The following CSMD1 variants were observed in gnomAD, a reference collection of about 807,000 sequenced individuals.
CSMD1 encodes CUB and sushi domain-containing protein 1.
In CSMD1, 213 loss-of-function variants were observed where a neutral mutation model predicts 417.5. The ratio of observed to expected loss-of-function variants is 0.51; its 90% CI spans 0.46 to 0.57. CSMD1 has a LOEUF of 0.57. Ranked by LOEUF, CSMD1 falls within the 20% of genes least tolerant of loss-of-function variation. CSMD1 has a pLI of 0.00. For synonymous variants in CSMD1, 2,862 were observed against 1,736.8 expected (o/e 1.65, Z -16.11); for missense variants, 6,923 against 4,529.7 (o/e 1.53, Z -15.17).
intron 5 of CSMD1, among the ~76,000 whole-genome samples, chr8:3,900,939 A>C (rs895971258): frequency 3.9e-5 from 6 of 152,234 alleles, no homozygotes; most frequent in African/African-American, 1.4e-4. Flanking sequence ...TATTAAATAC[A>C]AGAAGGTCTA....
At chr8:4,593,336 A>G (rs1800085119) in intron 2 of CSMD1, among the ~76,000 whole-genome samples, 2 of 152,200 alleles carry the variant, frequency 1.3e-5, no homozygotes, top group Admixed American at 6.5e-5. Flanking sequence ...CTTCTGCAGC[A>G]TGGCTAAATC....
At chr8:4,678,504 G>C (rs770271317) in intron 1 of CSMD1, among the ~76,000 whole-genome samples, 2 of 152,114 alleles carry the variant, frequency 1.3e-5, no homozygotes, top group African/African-American at 2.4e-5. Flanking sequence ...GATAGTTCTT[G>C]AGTTACTGTA....
rs571063071 is a variant in CSMD1, at chr8:3,049,479, C to A, written c.7660+2983G>T. Among the ~76,000 whole-genome samples the A allele has an allele frequency of 2.5e-3, 388 of 152,196 alleles. 1 individual carries two copies. The highest frequency in any genetic ancestry group is 8.9e-3 in the African/African-American group (370 of 41,548). The stretch of plus-strand genomic sequence containing the variant: ...TTATTACTAAGTGAAAGAAGCCAAT[C>A]TGAAAGGCTAGGTGCCAGATGATTC... On this transcript the variant is annotated intron_variant, in intron 50 of 69. Coordinates refer to ENST00000635120, the MANE Select transcript of CSMD1 (RefSeq NM_033225.6).
chr8:3,531,930 G>A (rs966114934), intron 10 of CSMD1, among the ~76,000 whole-genome samples: 1 of 152,190 alleles, frequency 6.6e-6, no homozygotes, highest in Non-Finnish European at 1.5e-5. Context: ...GCAACATGCA[G>A]TAGCTTAGGC....
Position 4,692,478 on chromosome 8 carries a change from G to T in CSMD1, c.86-54920C>A, listed in dbSNP as rs541108499. ...CCTGGCTATGGTCGACCACATGGGA[G>T]TTGAAGGGGTTGATAAAAAGAAAAT... On this transcript the variant is annotated intron_variant, in intron 1 of 69. Coordinates refer to ENST00000635120, the MANE Select transcript of CSMD1 (RefSeq NM_033225.6). Among the ~76,000 whole-genome samples, 269 of 152,234 alleles carry T rather than the reference G, an allele frequency of 1.8e-3. 2 individuals carry two copies. Among genetic ancestry groups the T allele is most frequent in the Non-Finnish European group, 2.4e-3 (164 of 68,030 alleles).
intron 2 of CSMD1, among the ~76,000 whole-genome samples, chr8:4,460,054 A>G (rs1333615669): frequency 6.6e-6 from 1 of 152,138 alleles, no homozygotes; most frequent in Non-Finnish European, 1.5e-5. Context: ...CCAGCCAATA[A>G]CAGAATATTG....
chr8:4,975,251 T>G (rs748882342), intron 1 of CSMD1, among the ~76,000 whole-genome samples: 1 of 152,202 alleles, frequency 6.6e-6, no homozygotes, highest in Non-Finnish European at 1.5e-5. Context: ...CAAGGATAAT[T>G]AATTTCAACT....
At chr8:4,353,438 A>G (rs7816165) in intron 3 of CSMD1, among the ~76,000 whole-genome samples, 1,619 of 152,222 alleles carry the variant, frequency 0.011, 30 homozygotes, top group African/African-American at 0.036. Flanking sequence ...CCTATTCTCG[A>G]GTATGTCTTT....
intron 5 of CSMD1, among the ~76,000 whole-genome samples, chr8:3,985,423 G>GCA (rs1227471840): frequency 6.6e-6 from 1 of 151,820 alleles, no homozygotes; most frequent in South Asian, 2.1e-4. Context: ...AGTCTTATGT[G>GCA]CACACACACA....
chr8:4,836,009 G>A (rs939081081), intron 1 of CSMD1, among the ~76,000 whole-genome samples: 2 of 152,010 alleles, frequency 1.3e-5, no homozygotes, highest in African/African-American at 4.8e-5. Context: ...ATTCTAACTA[G>A]GATGTGAAAA....
intron 3 of CSMD1, among the ~76,000 whole-genome samples, chr8:4,389,376 T>C (rs536071060): frequency 4.0e-4 from 61 of 152,238 alleles, no homozygotes; most frequent in African/African-American, 1.4e-3. Flanking sequence ...ACTTGGAAAT[T>C]ACTATTAATG....
chr8:4,071,731 A>C (rs1479338159), intron 3 of CSMD1, among the ~76,000 whole-genome samples: 1 of 152,184 alleles, frequency 6.6e-6, no homozygotes, highest in Non-Finnish European at 1.5e-5. Flanking sequence ...TCCTCCAAAA[A>C]GTTGATGAAT....
At chr8:3,856,303 G>C (rs961192504) in intron 5 of CSMD1, among the ~76,000 whole-genome samples, 11 of 152,130 alleles carry the variant, frequency 7.2e-5, no homozygotes, top group African/African-American at 2.7e-4. Flanking sequence ...CTTCCGCCAT[G>C]ATTGTAAGTT....
chr8:3,447,398 G>C lies in CSMD1; in HGVS notation c.1561+21314C>G, dbSNP rs7014880. ...AAGAAGAAAAAAAAAGATGGCTTAG[G>C]TTTTACCCAAAGATAAACCACTTTA... On this transcript the variant is annotated intron_variant, in intron 12 of 69. Transcript: ENST00000635120. Among the ~76,000 whole-genome samples the C allele has an allele frequency of 5.7e-4, 87 of 152,062 alleles. 1 individual carries two copies. The South Asian group carries it at 0.017, about 30-fold the overall frequency.
At chr8:3,653,047 T>C (rs1373678365) in intron 7 of CSMD1, among the ~76,000 whole-genome samples, 1 of 152,196 alleles carries the variant, frequency 6.6e-6, no homozygotes, top group Non-Finnish European at 1.5e-5. Context: ...AAATGTTTTC[T>C]ATCAGAAAAC....
At chr8:4,418,904 G>A (rs199676133) in intron 3 of CSMD1, among the ~76,000 whole-genome samples, 1 of 152,128 alleles carries the variant, frequency 6.6e-6, no homozygotes, top group African/African-American at 2.4e-5. Flanking sequence ...ACCATTCTCA[G>A]CATTATTCCA....
In CSMD1 at chr8:3,997,594, G is replaced by C. The variant is rs188898973; in HGVS notation, c.818+309C>G. Reference sequence around the variant, plus strand: ...AAAAATCTCTGCTCACAGTGAAACAGCTTCAGACCAAACCCAAAACTAACT... The same window carrying C: ...AAAAATCTCTGCTCACAGTGAAACACCTTCAGACCAAACCCAAAACTAACT... On this transcript the variant is annotated intron_variant, in intron 5 of 69. Coordinates refer to ENST00000635120, the MANE Select transcript of CSMD1 (RefSeq NM_033225.6). 1.5e-3 allele frequency among the ~76,000 whole-genome samples: 235 copies of C among 152,286 alleles called. 2 individuals are homozygous for C. Among genetic ancestry groups the C allele is most frequent in the Admixed American group, 1.6e-3 (25 of 15,288 alleles).
intron 1 of CSMD1, among the ~76,000 whole-genome samples, chr8:4,941,303 A>G (rs1006470879): frequency 2.0e-5 from 3 of 152,210 alleles, no homozygotes; most frequent in African/African-American, 7.2e-5. Context: ...GATGTAATAT[A>G]CTTTGTTTTT....
At chr8:4,316,935 A>C (rs770634798) in intron 3 of CSMD1, among the ~76,000 whole-genome samples, 7 of 152,026 alleles carry the variant, frequency 4.6e-5, no homozygotes, top group Admixed American at 2.6e-4. Context: ...CTGAATGAAA[A>C]TATGCCACAT....
Sources: gnomAD v4.1 joint callset for allele counts (sites outside exome capture counted in the v4.1 genomes callset) on GRCh38, gnomAD v4.1.1 for gene constraint, MANE v1.5 for transcripts, NCBI Gene and HGNC (gene_info 2026-07-23, HGNC 2026-07-21) for gene names.